Variants in TACR3 observed in about 807,000 individuals in gnomAD.
The protein encoded by TACR3 is neuromedin-K receptor.
A neutral mutation model predicts 35.0 loss-of-function variants in TACR3; 34 were observed. The ratio of observed to expected loss-of-function variants is 0.97; its 90% CI spans 0.74 to 1.30. The LOEUF is 1.30. TACR3 is among the 50% of genes most tolerant of loss of function. The pLI is 0.00. For missense variants in TACR3, 558 were observed against 591.7 expected, an observed-to-expected ratio of 0.94 and a Z score of 0.59; for synonymous variants, 233 against 221.1, an observed-to-expected ratio of 1.05 and a Z score of -0.48.
intron 1 of TACR3, among the ~76,000 whole-genome samples, chr4:103,697,926 A>G (rs1023169148): frequency 6.6e-6 from 1 of 152,174 alleles, no homozygotes; most frequent in Non-Finnish European, 1.5e-5. Context: ...TAAAGGTTTC[A>G]TCAGCACTTG....
intron 3 of TACR3, among the ~76,000 whole-genome samples, chr4:103,626,443 G>GTT (rs958224410): frequency 6.6e-6 from 1 of 151,982 alleles, no homozygotes; most frequent in Admixed American, 6.6e-5. Context: ...GAATTTTTGT[G>GTT]TTTAGGAAAA....
At chr4:103,618,588 T>TG (rs1326750479) in intron 3 of TACR3, among the ~76,000 whole-genome samples, 2 of 116,700 alleles carry the variant, frequency 1.7e-5, no homozygotes, top group Non-Finnish European at 3.7e-5. Context: ...TTTTTTTTTT[T>TG]TTTGTTCCAT....
At chr4:103,627,020 T>TAA (rs1192359662) in intron 3 of TACR3, among the ~76,000 whole-genome samples, 9 of 137,596 alleles carry the variant, frequency 6.5e-5, no homozygotes, top group Admixed American at 2.2e-4. Flanking sequence ...GAAAAATAAA[T>TAA]AAAAAAAAAA....
chr4:103,641,000 C>T (rs528080926), intron 3 of TACR3, among the ~76,000 whole-genome samples: 1 of 151,992 alleles, frequency 6.6e-6, no homozygotes. Flanking sequence ...ATAAAGCTTT[C>T]CCCTTATTTT....
chr4:103,620,956 C>T (rs1257761516), intron 3 of TACR3, among the ~76,000 whole-genome samples: 1 of 152,176 alleles, frequency 6.6e-6, no homozygotes, highest in Non-Finnish European at 1.5e-5. Flanking sequence ...TTATACCATT[C>T]TTGAATTATG....
chr4:103,675,086 A>G (rs1379053004), intron 1 of TACR3, among the ~76,000 whole-genome samples: 1 of 152,186 alleles, frequency 6.6e-6, no homozygotes, highest in Non-Finnish European at 1.5e-5. Flanking sequence ...TCATATGGAC[A>G]TAAGAGTTAT....
At chr4:103,675,958 AT>A (rs1422480939) in intron 1 of TACR3, among the ~76,000 whole-genome samples, 1 of 152,164 alleles carries the variant, frequency 6.6e-6, no homozygotes, top group Non-Finnish European at 1.5e-5. Flanking sequence ...TAATTGGCAA[AT>A]TTCTACCCAT....
chr4:103,618,591 T>TTC (rs1724709934), intron 3 of TACR3, among the ~76,000 whole-genome samples: 2 of 96,692 alleles, frequency 2.1e-5, no homozygotes, highest in Middle Eastern at 6.5e-3. Context: ...TTTTTTTTTT[T>TTC]GTTCCATATG....
intron 1 of TACR3, among the ~76,000 whole-genome samples, chr4:103,684,738 T>A (rs1722189365): frequency 6.6e-6 from 1 of 152,000 alleles, no homozygotes; most frequent in South Asian, 2.1e-4. Context: ...TGGTGGCTCA[T>A]GCATCTGTAA....
Position 103,719,165 on chromosome 4 carries a change from C to A in TACR3, c.511G>T (p.Ala171Ser), listed in dbSNP as rs201195175. The A allele has an allele frequency of 1.1e-5, 17 of 1,614,018 alleles. No homozygotes were observed. Among genetic ancestry groups the A allele is most frequent in the East Asian group, 2.2e-5 (1 of 44,894 alleles). The change falls in exon 1 of 5, where the codon GCC becomes TCC. Residue 171 changes from alanine (A) to serine (S), a missense_variant. Transcript: ENST00000304883. ...ATGGCCGTCATGGAGTAGATGCTGG[C>A]GAACACAGCTGTGATAGGAAAGAAG... is the stretch of plus-strand genomic sequence containing the variant. Reference protein sequence around the residue: ...QNFFPITAVFASIYSMTAIAV... With the variant: ...QNFFPITAVFSSIYSMTAIAV...
chr4:103,677,516 T>A (rs1047714966), intron 1 of TACR3, among the ~76,000 whole-genome samples: 1 of 152,208 alleles, frequency 6.6e-6, no homozygotes, highest in Non-Finnish European at 1.5e-5. Flanking sequence ...CACGGAATAC[T>A]ATGCAGCCCT....
At position 103,589,409 on chromosome 4, in the gene TACR3, A is replaced by C. The variant is rs1289509462; in HGVS notation, c.*273T>G. The C allele has an allele frequency of 2.5e-6, 1 of 392,256 alleles. No homozygotes were observed. Among genetic ancestry groups the C allele is most frequent in the African/African-American group, 2.0e-5 (1 of 49,866 alleles). The allele number at this position is 392,256 out of a possible 1,614,324, so 24.3% of individuals were successfully genotyped here. A position where few individuals can be genotyped will look rare whatever the true frequency, so the allele number is the denominator to read the frequency against. On this transcript the variant is annotated 3_prime_UTR_variant, in exon 5 of 5. Coordinates refer to ENST00000304883, the MANE Select transcript of TACR3 (RefSeq NM_001059.3). ...AATGAGATAGACTGGCGAGTTTACA[A>C]GTATTTTCCTGACATATTTTTGTTC...
intron 2 of TACR3, among the ~76,000 whole-genome samples, chr4:103,657,562 A>T (rs1055080838): frequency 6.6e-6 from 1 of 152,076 alleles, no homozygotes; most frequent in Non-Finnish European, 1.5e-5. Context: ...ATTGGTGAGT[A>T]AAATAGAAAA....
intron 3 of TACR3, among the ~76,000 whole-genome samples, chr4:103,620,167 G>C (rs1015290776): frequency 7.2e-5 from 11 of 152,172 alleles, no homozygotes; most frequent in African/African-American, 2.7e-4. Flanking sequence ...CTAGTTGTCA[G>C]AGAAATGCAA....
In TACR3 at chr4:103,697,402, G is replaced by GTTTATTTA. The variant is rs111290581; in HGVS notation, c.548+21718_548+21725dup. The stretch of plus-strand genomic sequence containing the variant: ...ACTTGTGTTATTTATTTATTTATTT[G>GTTTATTTA]TTTATTTATTTATTTATTTATTTAT... On this transcript the variant is annotated intron_variant, in intron 1 of 4. Transcript: ENST00000304883. Among the ~76,000 whole-genome samples the GTTTATTTA allele has an allele frequency of 2.9e-3, 421 of 144,966 alleles. 1 individual carries two copies. Among genetic ancestry groups the GTTTATTTA allele is most frequent in the East Asian group, 6.0e-3 (30 of 5,016 alleles).
intron 1 of TACR3, among the ~76,000 whole-genome samples, chr4:103,697,897 C>T (rs1168784717): frequency 6.6e-6 from 1 of 152,240 alleles, no homozygotes; most frequent in East Asian, 1.9e-4. Context: ...CCAGTGAGTC[C>T]TGTTTCACTC....
chr4:103,673,965 T>G (rs1410535575), intron 1 of TACR3, among the ~76,000 whole-genome samples: 1 of 152,204 alleles, frequency 6.6e-6, no homozygotes, highest in African/African-American at 2.4e-5. Flanking sequence ...TTTATTTCAT[T>G]TTTTATAAGA....
chr4:103,632,608 T>C (rs1454611144), intron 3 of TACR3, among the ~76,000 whole-genome samples: 1 of 150,450 alleles, frequency 6.6e-6, no homozygotes, highest in East Asian at 1.9e-4. Flanking sequence ...ATGGCACACG[T>C]ATACCTAGGT....
At chr4:103,623,298 T>C (rs1185967096) in intron 3 of TACR3, among the ~76,000 whole-genome samples, 3 of 152,170 alleles carry the variant, frequency 2.0e-5, no homozygotes, top group African/African-American at 7.2e-5. Context: ...CAAAATATAT[T>C]TGCAAAGCTA....
Sources: allele counts gnomAD v4.1 joint callset (sites outside exome capture counted in the v4.1 genomes callset), GRCh38; gene constraint gnomAD v4.1.1; transcripts MANE v1.5; gene names NCBI Gene and HGNC (gene_info 2026-07-23, HGNC 2026-07-21).